Variants in BABAM2 observed in about 807,000 individuals in gnomAD.
The protein encoded by BABAM2 is BRISC and BRCA1-A complex member 2.
Under a neutral mutation model 54.7 loss-of-function variants are expected in BABAM2, and 31 were observed. That is an observed-to-expected ratio of 0.57 (90% CI 0.43 to 0.77). The LOEUF (loss-of-function observed/expected upper bound fraction) is 0.77. BABAM2 is among the 30% of genes least tolerant of loss of function. The pLI is 0.00. For synonymous variants in BABAM2, 167 were observed against 162.9 expected, an observed-to-expected ratio of 1.03 and a Z score of -0.19; for missense variants, 364 against 455.8, an observed-to-expected ratio of 0.80 and a Z score of 1.83.
intron 6 of BABAM2, among the ~76,000 whole-genome samples, chr2:28,126,975 C>T (rs1669604395): frequency 6.6e-6 from 1 of 150,992 alleles, no homozygotes. Context: ...CCTTCGCCCA[C>T]TTTTTGATGG....
intron 10 of BABAM2, among the ~76,000 whole-genome samples, chr2:28,293,657 G>A (rs1687465937): frequency 6.6e-6 from 1 of 152,150 alleles, no homozygotes. Context: ...TGAACTGCCT[G>A]GTTTGTGCAG....
intron 5 of BABAM2, among the ~76,000 whole-genome samples, chr2:28,035,901 A>G (rs1207302201): frequency 6.6e-6 from 1 of 152,196 alleles, no homozygotes; most frequent in Non-Finnish European, 1.5e-5. Context: ...TAGAGGTATC[A>G]GTAGGAAATT....
At chr2:28,184,351 T>A (rs6749892) in intron 7 of BABAM2, among the ~76,000 whole-genome samples, 31,968 of 148,208 alleles carry the variant, frequency 0.22, 3,669 homozygotes, top group South Asian at 0.41. Context: ...TTAAATACTT[T>A]AAGTTCTAGG....
chr2:28,082,380 A>G (rs1238599169), intron 6 of BABAM2, among the ~76,000 whole-genome samples: 1 of 152,182 alleles, frequency 6.6e-6, no homozygotes, highest in South Asian at 2.1e-4. Context: ...GGAAAAGGCA[A>G]TATGTCATCT....
intron 7 of BABAM2, among the ~76,000 whole-genome samples, chr2:28,164,114 G>A (rs921764381): frequency 1.3e-5 from 2 of 152,182 alleles, no homozygotes; most frequent in African/African-American, 4.8e-5. Context: ...TCATAGGGAT[G>A]GAAAGACAGT....
intron 4 of BABAM2, among the ~76,000 whole-genome samples, chr2:27,989,730 T>G (rs978111637): frequency 1.3e-5 from 2 of 152,018 alleles, no homozygotes; most frequent in Admixed American, 1.3e-4. Context: ...GAGAAAGGGC[T>G]TTGAGCTAGG....
intron 10 of BABAM2, among the ~76,000 whole-genome samples, chr2:28,275,990 C>T (rs139589285): frequency 6.8e-6 from 1 of 146,738 alleles, no homozygotes; most frequent in African/African-American, 2.6e-5. Context: ...TTTTCCAAGT[C>T]TACCAAATTT....
intron 7 of BABAM2, among the ~76,000 whole-genome samples, chr2:28,131,330 C>T (rs62140453): frequency 0.023 from 772 of 34,060 alleles, 1 homozygote; most frequent in Middle Eastern, 0.058. Flanking sequence ...ATCCGCCCGC[C>T]TCGGCCTCCC....
intron 4 of BABAM2, among the ~76,000 whole-genome samples, chr2:28,001,927 T>A (rs1469733282): frequency 6.6e-6 from 1 of 151,970 alleles, no homozygotes; most frequent in East Asian, 1.9e-4. Context: ...GGGACAAATG[T>A]CCAAACTGTA....
At chr2:28,230,163 G>A (rs1479387863) in intron 7 of BABAM2, among the ~76,000 whole-genome samples, 3 of 152,142 alleles carry the variant, frequency 2.0e-5, no homozygotes, top group Admixed American at 6.5e-5. Context: ...GGTCTGAATT[G>A]ATGCTTCCAT....
chr2:27,954,014 A>C (rs747709583), intron 3 of BABAM2, among the ~76,000 whole-genome samples: 1 of 152,168 alleles, frequency 6.6e-6, no homozygotes, highest in African/African-American at 2.4e-5. Context: ...GGCCCTTAGA[A>C]ATTAGAGTCT....
rs941225954 is a variant in BABAM2 at position 28,005,801 on chromosome 2, G to A, written c.300+17714G>A. Among the ~76,000 whole-genome samples the A allele has an allele frequency of 4.6e-5, 7 of 151,952 alleles. No individual in the cohort carries two copies. In the South Asian group the frequency reaches 8.3e-4, roughly 18 times the overall value. ...TGGATCTCGTTTCAATAATTGCCAC[G>A]TCATAATCTTGTTTCATCTATACTC... On this transcript the variant is annotated intron_variant, in intron 4 of 11. Coordinates refer to ENST00000379624, the MANE Select transcript of BABAM2 (RefSeq NM_199191.3).
intron 10 of BABAM2, among the ~76,000 whole-genome samples, chr2:28,286,158 G>C (rs1180787754): frequency 2.0e-5 from 3 of 151,960 alleles, no homozygotes; most frequent in African/African-American, 7.3e-5. Flanking sequence ...GTTTCACCAT[G>C]TTGGCCAGGG....
Position 28,026,979 on chromosome 2 carries a change from A to T in BABAM2, c.495+1559A>T, listed in dbSNP as rs184333725. Among the ~76,000 whole-genome samples the T allele has an allele frequency of 8.9e-3, 862 of 96,440 alleles. 59 individuals carry two copies. Among genetic ancestry groups the T allele is most frequent in the African/African-American group, 0.042 (819 of 19,372 alleles). 63.3% of individuals were successfully genotyped at this position (96,440 alleles called of 152,430 possible). A position where few individuals can be genotyped will look rare whatever the true frequency, so the allele number is the denominator to read the frequency against. ...ATATAAATATATATATAAATATATAAATATATATAAAAATATATAAATATA... is the reference window on the plus strand; with the variant it reads ...ATATAAATATATATATAAATATATATATATATATAAAAATATATAAATATA... On this transcript the variant is annotated intron_variant, in intron 5 of 11. Coordinates refer to ENST00000379624, the MANE Select transcript of BABAM2 (RefSeq NM_199191.3).
Position 27,936,909 on chromosome 2 carries a change from T to C in BABAM2, c.205+7001T>C, listed in dbSNP as rs534155274. Among the ~76,000 whole-genome samples, 1,033 of 152,108 alleles carry C rather than the reference T, an allele frequency of 6.8e-3. 11 individuals are homozygous for C. Among genetic ancestry groups the C allele is most frequent in the African/African-American group, 0.024 (980 of 41,486 alleles). ...CACATGTATACATATGTAACTAACC[T>C]GCACATTGTGTACATGTACCCTGAA... On this transcript the variant is annotated intron_variant, in intron 3 of 11. Coordinates refer to ENST00000379624, the MANE Select transcript of BABAM2 (RefSeq NM_199191.3).
chr2:28,264,815 C>A (rs772081606), intron 10 of BABAM2, among the ~76,000 whole-genome samples: 2 of 152,170 alleles, frequency 1.3e-5, no homozygotes, highest in Non-Finnish European at 2.9e-5. Flanking sequence ...TACATGCTAA[C>A]GTTCAAAGAC....
intron 5 of BABAM2, among the ~76,000 whole-genome samples, chr2:28,033,824 G>GT (rs1263942421): frequency 6.7e-6 from 1 of 149,634 alleles, no homozygotes; most frequent in African/African-American, 2.5e-5. Context: ...GATATGAAAT[G>GT]TAAGTTTTGA....
chr2:27,892,425 CAGA>C (rs1220422774), intron 1 of BABAM2: 2 of 152,200 alleles, frequency 1.3e-5, no homozygotes, highest in South Asian at 2.1e-4. Context: ...GGGAAAAACA[CAGA>C]AGAACAATTC....
intron 6 of BABAM2, among the ~76,000 whole-genome samples, chr2:28,064,014 A>G (rs1170553166): frequency 6.6e-6 from 1 of 152,202 alleles, no homozygotes; most frequent in African/African-American, 2.4e-5. Context: ...TTTTACCCCA[A>G]GAGACTACCA....
Sources: allele counts gnomAD v4.1 joint callset (sites outside exome capture counted in the v4.1 genomes callset), GRCh38; gene constraint gnomAD v4.1.1; transcripts MANE v1.5; gene names NCBI Gene and HGNC (gene_info 2026-07-23, HGNC 2026-07-21).